The following CLCA1 variants were observed in gnomAD, a reference collection of about 807,000 sequenced individuals.
CLCA1 encodes the protein chloride channel accessory 1, also known as calcium-activated chloride channel regulator 1.
A neutral mutation model predicts 85.6 loss-of-function variants in CLCA1; 59 were observed. That is an observed-to-expected ratio of 0.69 (90% CI 0.56 to 0.86). CLCA1 has a LOEUF of 0.86. CLCA1 is among the 40% of genes least tolerant of loss of function. The pLI, the probability that CLCA1 is intolerant of heterozygous loss-of-function variation, is 0.00. For missense variants in CLCA1, 1,022 were observed against 1,101.4 expected (o/e 0.93, Z 1.02); for synonymous variants, 396 against 398.3 (o/e 0.99, Z 0.07).
At chr1:86,494,836 T>C (rs142234377) in intron 11 of CLCA1, among the ~76,000 whole-genome samples, 6 of 152,314 alleles carry the variant, frequency 3.9e-5, no homozygotes, top group African/African-American at 1.4e-4. Flanking sequence ...TATACAAAGA[T>C]GTATATAACC....
chr1:86,496,123 T>A (rs1233212599), intron 12 of CLCA1, among the ~76,000 whole-genome samples: 1 of 152,218 alleles, frequency 6.6e-6, no homozygotes, highest in Non-Finnish European at 1.5e-5. Context: ...CATAGGATGG[T>A]CACACAGAAT....
Position 86,492,865 on chromosome 1 carries a change from C to A in CLCA1, c.1465-519C>A, listed in dbSNP as rs5744395. On this transcript the variant is annotated intron_variant, in intron 9 of 13. Transcript: ENST00000394711. ...TTCATAGTCTAATAAATAAGATGAG[C>A]TTCATATACCAATAAATATAGGGCG... is the stretch of plus-strand genomic sequence containing the variant. Among the ~76,000 whole-genome samples, 1,465 of 152,230 alleles carry A rather than the reference C, an allele frequency of 9.6e-3. 24 individuals are homozygous for A. Among genetic ancestry groups the A allele is most frequent in the African/African-American group, 0.033 (1,387 of 41,540 alleles).
chr1:86,476,672 A>C, intron 4 of CLCA1, 119 bp downstream of exon 4: 1 of 514,136 alleles, frequency 1.9e-6, no homozygotes, highest in Non-Finnish European at 3.5e-6. Flanking sequence ...ATTCATTCTT[A>C]GTGCCTTCTT....
intron 7 of CLCA1, among the ~76,000 whole-genome samples, chr1:86,487,173 C>A (rs1273077392): frequency 6.6e-6 from 1 of 152,202 alleles, no homozygotes; most frequent in African/African-American, 2.4e-5. Context: ...AAAGTGGTTT[C>A]TATTGCATAC....
intron 1 of CLCA1, among the ~76,000 whole-genome samples, chr1:86,472,625 A>T (rs979631706): frequency 5.3e-5 from 8 of 152,220 alleles, no homozygotes; most frequent in African/African-American, 1.9e-4. Flanking sequence ...CTGCAGACAC[A>T]TTTATAATTT....
At chr1:86,486,424 T>G in intron 6 of CLCA1, 102 bp from the exon 7 acceptor site, 1 of 977,446 alleles carries the variant, frequency 1.0e-6, no homozygotes, top group East Asian at 2.5e-5. Context: ...TATGGTCATT[T>G]GCTCTACATT....
At chr1:86,480,459 C>T (rs183943147) in intron 4 of CLCA1, among the ~76,000 whole-genome samples, 29 of 151,996 alleles carry the variant, frequency 1.9e-4, no homozygotes, top group Admixed American at 1.2e-3. Context: ...CCCTTCTCTA[C>T]AAAAAATACA....
intron 9 of CLCA1, among the ~76,000 whole-genome samples, chr1:86,492,848 C>G (rs896821070): frequency 6.6e-6 from 1 of 152,094 alleles, no homozygotes; most frequent in Non-Finnish European, 1.5e-5. Context: ...GGTTCATAGT[C>G]TAATAAATAA....
At position 86,499,835 on chromosome 1, in the gene CLCA1, G is replaced by C; in HGVS notation, c.2535G>C (p.Gln845His). 2 of 1,613,050 alleles carry C rather than the reference G, an allele frequency of 1.2e-6. No individual in the cohort carries two copies. Among genetic ancestry groups the C allele is most frequent in the South Asian group, 1.1e-5 (1 of 91,038 alleles). ...ENGTDLFIAIQAVDKVDLKSE... is the reference protein window; with the variant it reads ...ENGTDLFIAIHAVDKVDLKSE... Reference sequence around the variant, plus strand: ...GCACAGATCTTTTCATTGCTATTCAGGCTGTTGATAAGGTCGATCTGAAAT... The same window carrying C: ...GCACAGATCTTTTCATTGCTATTCACGCTGTTGATAAGGTCGATCTGAAAT... The change falls in exon 14 of 14, where the codon CAG becomes CAC. Residue 845 changes from glutamine to histidine, a missense_variant. Transcript: ENST00000394711.
At chr1:86,482,571 C>T (rs1223234472) in intron 5 of CLCA1, among the ~76,000 whole-genome samples, 189 bp downstream of exon 5, 1 of 152,136 alleles carries the variant, frequency 6.6e-6, no homozygotes, top group Non-Finnish European at 1.5e-5. Flanking sequence ...TCCTCGTGTC[C>T]ACGCTTTCTT....
At chr1:86,472,468 G>C (rs1647531016) in intron 1 of CLCA1, among the ~76,000 whole-genome samples, 1 of 152,088 alleles carries the variant, frequency 6.6e-6, no homozygotes. Flanking sequence ...ACATTCCCTG[G>C]GCTCAGTCTT....
intron 7 of CLCA1, among the ~76,000 whole-genome samples, chr1:86,488,721 C>A (rs1455712527): frequency 6.6e-6 from 1 of 152,200 alleles, no homozygotes; most frequent in Non-Finnish European, 1.5e-5. Flanking sequence ...ACCTTCTTTG[C>A]TGTTTCCCCA....
intron 7 of CLCA1, among the ~76,000 whole-genome samples, chr1:86,487,746 C>A (rs1242699021): frequency 1.3e-5 from 2 of 152,218 alleles, no homozygotes; most frequent in Non-Finnish European, 2.9e-5. Context: ...TATCCTCCAT[C>A]CAGCCTCTAG....
chr1:86,491,392 G>T (rs1648130417), intron 9 of CLCA1, 21 bp downstream of exon 9: 4 of 1,536,766 alleles, frequency 2.6e-6, no homozygotes, highest in South Asian at 1.1e-5. Context: ...TTAATCTTTG[G>T]TTTTTCATAT....
chr1:86,476,323 C>A, intron 3 of CLCA1, 125 bp from the exon 4 acceptor site: 1 of 577,346 alleles, frequency 1.7e-6, no homozygotes, highest in South Asian at 2.6e-5. Context: ...CTAAAGAAAT[C>A]AAGTCTTTAA....
chr1:86,488,562 G>T (rs867714567), intron 7 of CLCA1, among the ~76,000 whole-genome samples: 8 of 152,278 alleles, frequency 5.3e-5, no homozygotes, highest in Middle Eastern at 3.4e-3. Context: ...AGCTGGTATT[G>T]TCAGACTGGT....
At position 86,480,362 on chromosome 1, in the gene CLCA1, T is replaced by C. The variant is rs757808185; in HGVS notation, c.558-1843T>C. Among the ~76,000 whole-genome samples, 46 of 151,742 alleles carry C rather than the reference T, an allele frequency of 3.0e-4. 2 individuals carry two copies. Among genetic ancestry groups the C allele is most frequent in the East Asian group, 1.9e-4 (1 of 5,170 alleles). On this transcript the variant is annotated intron_variant, in intron 4 of 13. Coordinates refer to ENST00000394711, the MANE Select transcript of CLCA1 (RefSeq NM_001285.4). ...AAACAGTAACATCCAAATAGAAAAA[T>C]AGACAAAGGAGAAGAATAGATAATT...
At chr1:86,498,185 A>T (rs576501592) in intron 12 of CLCA1, among the ~76,000 whole-genome samples, 1 of 126,202 alleles carries the variant, frequency 7.9e-6, no homozygotes, top group East Asian at 2.1e-4. Flanking sequence ...GAAGGAAGGA[A>T]GGATGGAAGG....
At chr1:86,493,728 G>C (rs947307384) in intron 10 of CLCA1, 129 bp downstream of exon 10, 2 of 711,290 alleles carry the variant, frequency 2.8e-6, no homozygotes, top group East Asian at 5.4e-5. Context: ...AAGAGAGAAC[G>C]AGGAAAAAAA....
Sources: gnomAD v4.1 joint callset for allele counts (sites outside exome capture counted in the v4.1 genomes callset) on GRCh38, gnomAD v4.1.1 for gene constraint, MANE v1.5 for transcripts, NCBI Gene and HGNC (gene_info 2026-07-23, HGNC 2026-07-21) for gene names.